The following ADCY9 variants were observed in gnomAD, a reference collection of about 807,000 sequenced individuals.
The protein encoded by ADCY9 is adenylate cyclase type 9.
Under a neutral mutation model 101.5 loss-of-function variants are expected in ADCY9, and 50 were observed. The ratio of observed to expected loss-of-function variants is 0.49; its 90% CI spans 0.39 to 0.62. The LOEUF (loss-of-function observed/expected upper bound fraction) is 0.62, where lower values mean the gene tolerates loss of function less well. Ranked by LOEUF, ADCY9 falls within the 20% of genes least tolerant of loss-of-function variation. The pLI, the probability that ADCY9 is intolerant of heterozygous loss-of-function variation, is 0.00. For missense variants in ADCY9, 1,662 were observed against 1,800.4 expected (o/e 0.92, Z 1.39); for synonymous variants, 905 against 769.3 (o/e 1.18, Z -2.92).
chr16:3,993,251 C>A (rs191363404), intron 4 of ADCY9, 155 bp downstream of exon 4: 3 of 1,348,054 alleles, frequency 2.2e-6, no homozygotes, highest in African/African-American at 2.9e-5. Flanking sequence ...AGCTCCCTGC[C>A]GGTCTCTTCA....
chr16:4,066,817 C>T (rs964879521), intron 2 of ADCY9, among the ~76,000 whole-genome samples: 7 of 152,112 alleles, frequency 4.6e-5, no homozygotes, highest in African/African-American at 1.2e-4. Context: ...AAAAGATTCC[C>T]GCTTGTAGGA....
At chr16:4,108,667 C>A (rs61574743) in intron 2 of ADCY9, among the ~76,000 whole-genome samples, 1 of 146,178 alleles carries the variant, frequency 6.8e-6, no homozygotes, top group African/African-American at 2.5e-5. Context: ...CCACCACGCC[C>A]GGCCCATTTC....
intron 2 of ADCY9, among the ~76,000 whole-genome samples, chr16:4,046,459 G>A (rs1202948867): frequency 6.6e-6 from 1 of 152,166 alleles, no homozygotes; most frequent in Non-Finnish European, 1.5e-5. Flanking sequence ...TGTGTCCTAA[G>A]CACTGATGAC....
intron 10 of ADCY9, among the ~76,000 whole-genome samples, chr16:3,968,020 T>G (rs893191449): frequency 6.6e-6 from 1 of 152,090 alleles, no homozygotes; most frequent in African/African-American, 2.4e-5. Flanking sequence ...TGAAAGTAAG[T>G]TGCTGACATG....
intron 2 of ADCY9, among the ~76,000 whole-genome samples, chr16:4,042,532 T>C (rs2056634539): frequency 6.6e-6 from 1 of 152,238 alleles, no homozygotes; most frequent in African/African-American, 2.4e-5. Flanking sequence ...TCTGTTAAAA[T>C]AGGATTTAAT....
intron 8 of ADCY9, among the ~76,000 whole-genome samples, chr16:3,978,219 G>T (rs975657506): frequency 2.6e-5 from 4 of 152,194 alleles, no homozygotes; most frequent in African/African-American, 9.6e-5. Flanking sequence ...TCGTGGAAAG[G>T]AAAGGGAGGC....
chr16:4,052,683 C>T (rs1264819760), intron 2 of ADCY9, among the ~76,000 whole-genome samples: 1 of 152,194 alleles, frequency 6.6e-6, no homozygotes, highest in African/African-American at 2.4e-5. Context: ...TAGATATCAA[C>T]TAGCGTGTAA....
chr16:4,010,244 C>T (rs980086661), intron 2 of ADCY9, among the ~76,000 whole-genome samples: 2 of 152,178 alleles, frequency 1.3e-5, no homozygotes, highest in African/African-American at 4.8e-5. Flanking sequence ...CGCACCTGCT[C>T]CCTGTGTGGC....
chr16:4,080,720 T>G (rs1207908266), intron 2 of ADCY9, among the ~76,000 whole-genome samples: 1 of 150,884 alleles, frequency 6.6e-6, no homozygotes, highest in East Asian at 1.9e-4. Context: ...TTTTTTTCGT[T>G]TTTTTTTTTT....
intron 2 of ADCY9, among the ~76,000 whole-genome samples, chr16:4,013,065 A>T (rs1280029513): frequency 6.6e-6 from 1 of 152,002 alleles, no homozygotes; most frequent in East Asian, 1.9e-4. Context: ...CAGCCTGGAC[A>T]ACATAGCGAG....
At position 3,979,178 on chromosome 16, in the gene ADCY9, C is replaced by T. The variant is rs149616013; in HGVS notation, c.2617G>A (p.Val873Met). 1.9e-6 allele frequency: 3 copies of T among 1,614,150 alleles called. No individual in the cohort carries two copies. Among genetic ancestry groups the T allele is most frequent in the Non-Finnish European group, 2.5e-6 (3 of 1,180,036 alleles). ...LPRHCIGAIL[V>M]SLPALAVYSH... ...TAGACGGCCAGTGCGGGAAGCGACA[C>T]CAGGATGGCCCCGATGCAGTGACGT... Residue 873 changes from valine (V) to methionine (M), a missense_variant, in exon 8 of 11, where the codon GTG becomes ATG. This residue lies in a region of ADCY9 where 624 missense variants were observed against 639.1 expected (regional missense o/e 0.98). Transcript: ENST00000294016.
chr16:4,007,538 A>C lies in ADCY9; in HGVS notation c.1714T>G (p.Ser572Ala). 1 of 1,609,592 alleles carries C rather than the reference A, an allele frequency of 6.2e-7. No individual in the cohort carries two copies. The highest frequency in any genetic ancestry group is 8.5e-7 in the Non-Finnish European group (1 of 1,178,700). ...CGAGACTCCTTGGCTCTCTGACCCG[A>C]TATCAGGTATGTCTTCAAACCTATG... Reference protein sequence around the residue: ...QLKGLKTYLISGQRAKESRCS... With the variant: ...QLKGLKTYLIAGQRAKESRCS... The change falls in exon 3 of 11, where the codon TCG (serine) becomes GCG (alanine). Residue 572 changes from serine (S) to alanine (A), a missense_variant. Ser to Ala is a moderately conservative substitution (Grantham distance 99). This residue lies in a region of ADCY9 where 624 missense variants were observed against 639.1 expected (regional missense o/e 0.98). Coordinates refer to ENST00000294016, the MANE Select transcript of ADCY9 (RefSeq NM_001116.4).
chr16:4,029,921 C>A (rs763997355), intron 2 of ADCY9, among the ~76,000 whole-genome samples: 1 of 152,116 alleles, frequency 6.6e-6, no homozygotes, highest in Non-Finnish European at 1.5e-5. Flanking sequence ...TACAGAATCA[C>A]AAATGAAAAT....
intron 3 of ADCY9, among the ~76,000 whole-genome samples, chr16:4,005,770 G>A (rs2056362927): frequency 6.6e-6 from 1 of 152,154 alleles, no homozygotes; most frequent in South Asian, 2.1e-4. Context: ...ACACATATGT[G>A]GAAGCTAAAA....
chr16:4,084,146 C>G (rs1323246348), intron 2 of ADCY9, among the ~76,000 whole-genome samples: 1 of 152,096 alleles, frequency 6.6e-6, no homozygotes, highest in African/African-American at 2.4e-5. Context: ...GGGTCTCACC[C>G]TGTCACCCAG....
intron 2 of ADCY9, among the ~76,000 whole-genome samples, chr16:4,077,037 A>G (rs1045089850): frequency 8.7e-5 from 13 of 148,684 alleles, no homozygotes; most frequent in Non-Finnish European, 1.5e-5. Context: ...AGATCACGCC[A>G]TTGCATTCCA....
chr16:3,981,605 CTTTTT>C (rs2056143376), intron 7 of ADCY9, among the ~76,000 whole-genome samples: 1 of 151,450 alleles, frequency 6.6e-6, no homozygotes, highest in South Asian at 2.1e-4. Flanking sequence ...TCTTTTTTTT[CTTTTT>C]TGAGATGGAG....
Position 3,993,397 on chromosome 16 carries a change from G to A in ADCY9, c.1989+9C>T, listed in dbSNP as rs996434738. On this transcript the variant is annotated intron_variant, in intron 4 of 10. Coordinates refer to ENST00000294016, the MANE Select transcript of ADCY9 (RefSeq NM_001116.4). ...GAACTGACAGGAACAACAGCCATGA[G>A]CTTGTTACCTTGGTGCTGTTTTTAT... is the stretch of plus-strand genomic sequence containing the variant. 6.2e-7 allele frequency: 1 copy of A among 1,613,490 alleles called. No homozygotes were observed. The highest frequency in any genetic ancestry group is 1.3e-5 in the African/African-American group (1 of 74,942).
intron 2 of ADCY9, among the ~76,000 whole-genome samples, chr16:4,062,502 G>A (rs1275748809): frequency 1.3e-5 from 2 of 152,168 alleles, no homozygotes; most frequent in Non-Finnish European, 2.9e-5. Flanking sequence ...AGATGCAGAT[G>A]GAGAAAAATG....
Sources: gnomAD v4.1 joint callset for allele counts (sites outside exome capture counted in the v4.1 genomes callset) on GRCh38, gnomAD v4.1.1 for gene constraint, gnomAD v4.1.1 regional missense constraint, MANE v1.5 for transcripts, NCBI Gene and HGNC (gene_info 2026-07-23, HGNC 2026-07-21) for gene names.